R3HDM2: variants seen among roughly 807,000 people sequenced by gnomAD.
R3HDM2 encodes the protein R3H domain containing 2.
Under a neutral mutation model 124.5 loss-of-function variants are expected in R3HDM2, and 38 were observed. That is an observed-to-expected ratio of 0.31 (90% CI 0.24 to 0.40). The LOEUF is 0.40. Among genes scored for constraint, R3HDM2 ranks in the 10% least tolerant of loss-of-function variants. The pLI, the probability that R3HDM2 is intolerant of heterozygous loss-of-function variation, is 1.00. For synonymous variants in R3HDM2, 391 were observed against 448.0 expected (o/e 0.87, Z 1.61); for missense variants, 869 against 1,236.9 (o/e 0.70, Z 4.46).
chr12:57,428,139 A>ATT (rs1429528512), intron 1 of R3HDM2, among the ~76,000 whole-genome samples: 1 of 151,338 alleles, frequency 6.6e-6, no homozygotes, highest in Non-Finnish European at 1.5e-5. Context: ...AAAGAGTGAA[A>ATT]TTTGAGTAAA....
At chr12:57,288,529 T>C (rs2138243639) in intron 12 of R3HDM2, among the ~76,000 whole-genome samples, 1 of 152,278 alleles carries the variant, frequency 6.6e-6, no homozygotes, top group East Asian at 1.9e-4. Flanking sequence ...CCCATTCTTT[T>C]ACCTTATCAT....
chr12:57,429,010 G>GCATGGGATTACAAGATTACA (rs1555322479), intron 1 of R3HDM2, among the ~76,000 whole-genome samples: 23 of 152,116 alleles, frequency 1.5e-4, no homozygotes, highest in Middle Eastern at 3.2e-3. Flanking sequence ...GCCTCCCAAA[G>GCATGGGATTACAAGATTACA]TGCTGCGATT....
At chr12:57,414,732 C>A (rs1315174396) in intron 1 of R3HDM2, among the ~76,000 whole-genome samples, 1 of 151,312 alleles carries the variant, frequency 6.6e-6, no homozygotes, top group South Asian at 2.1e-4. Flanking sequence ...ACTCGGGAGT[C>A]TGAGGCAGGA....
At chr12:57,389,295 C>G (rs1264757627) in intron 2 of R3HDM2, among the ~76,000 whole-genome samples, 1 of 152,080 alleles carries the variant, frequency 6.6e-6, no homozygotes, top group East Asian at 1.9e-4. Context: ...AAAGCTATAC[C>G]CAGGTTCATC....
At chr12:57,396,852 G>C (rs1038631858) in intron 1 of R3HDM2, among the ~76,000 whole-genome samples, 2 of 152,004 alleles carry the variant, frequency 1.3e-5, no homozygotes, top group African/African-American at 4.8e-5. Flanking sequence ...TTTACTTTGG[G>C]AGGCCAAAGC....
rs55903347 is a variant in R3HDM2, at chr12:57,345,500, T to TACAC, written c.-35-35041_-35-35038dup. ...TTCAAATGGCTTCATATTTCTTTTATACACACACACACACACACACACACA... is the reference window on the plus strand; with the variant it reads ...TTCAAATGGCTTCATATTTCTTTTATACACACACACACACACACACACACACACA... On this transcript the variant is annotated intron_variant, in intron 2 of 23. Transcript: ENST00000402412. Among the ~76,000 whole-genome samples the TACAC allele has an allele frequency of 1.7e-3, 248 of 147,632 alleles. 2 individuals carry two copies. Among genetic ancestry groups the TACAC allele is most frequent in the African/African-American group, 5.7e-3 (226 of 39,848 alleles).
intron 3 of R3HDM2, among the ~76,000 whole-genome samples, chr12:57,309,155 T>A (rs983676126): frequency 6.6e-6 from 1 of 152,234 alleles, no homozygotes; most frequent in Non-Finnish European, 1.5e-5. Flanking sequence ...ACAAACCTTA[T>A]GTGAATTGAA....
At chr12:57,382,166 G>A (rs2064986281) in intron 2 of R3HDM2, among the ~76,000 whole-genome samples, 1 of 151,836 alleles carries the variant, frequency 6.6e-6, no homozygotes, top group South Asian at 2.1e-4. Context: ...TCAGGCTAGA[G>A]TGCAATGACA....
rs1243413803 is a variant in R3HDM2 at position 57,255,995 on chromosome 12, T to A, written c.2627A>T (p.Asp876Val). 6.2e-7 allele frequency: 1 copy of A among 1,612,340 alleles called. No individual in the cohort carries two copies. Among genetic ancestry groups the A allele is most frequent in the Non-Finnish European group, 8.5e-7 (1 of 1,179,180 alleles). ...KSASTDLGTA[D>V]VVLGRVLEVT... ...TTCAGCATCCCGTGACTCACCAACA[T>A]CTGCTGTCCCCAGGTCAGTGGAGGC... The change falls in exon 23 of 24, where the codon GAT becomes GTT. Residue 876 changes from aspartate (D) to valine (V), a missense_variant. This residue lies in a region of R3HDM2 where 602 missense variants were observed against 789.2 expected (regional missense o/e 0.76). Transcript: ENST00000402412.
At chr12:57,313,225 A>G (rs563260008) in intron 2 of R3HDM2, among the ~76,000 whole-genome samples, 3 of 152,262 alleles carry the variant, frequency 2.0e-5, no homozygotes, top group East Asian at 1.9e-4. Flanking sequence ...AACTCAGCAC[A>G]TGCATTCTCC....
At position 57,255,093 on chromosome 12, in the gene R3HDM2, C is replaced by T; in HGVS notation, c.2653G>A (p.Val885Met). 2 of 1,593,186 alleles carry T rather than the reference C, an allele frequency of 1.3e-6. No individual in the cohort carries two copies. Among genetic ancestry groups the T allele is most frequent in the South Asian group, 2.3e-5 (2 of 87,438 alleles). The change falls in exon 24 of 24, where the codon GTG (valine) becomes ATG (methionine). Residue 885 changes from valine (V) to methionine (M), a missense_variant. Val to Met is a conservative substitution (Grantham distance 21). Around this residue, in one of 2 missense-constraint regions of R3HDM2, gnomAD observed 602 missense variants for 789.2 expected, o/e 0.76. Coordinates refer to ENST00000402412, the MANE Select transcript of R3HDM2 (RefSeq NM_001394031.1). ...ADVVLGRVLEVTDLPEGITRT... is the reference protein window; with the variant it reads ...ADVVLGRVLEMTDLPEGITRT... ...GTGATGCCCTCAGGGAGATCTGTCA[C>T]CTCCAGCACCCGCCCCAGGACTGGA...
At chr12:57,345,811 G>A (rs968653173) in intron 2 of R3HDM2, among the ~76,000 whole-genome samples, 1 of 152,080 alleles carries the variant, frequency 6.6e-6, no homozygotes, top group African/African-American at 2.4e-5. Flanking sequence ...CCAAGTAACT[G>A]AGATTACAGG....
intron 2 of R3HDM2, among the ~76,000 whole-genome samples, chr12:57,386,316 A>C (rs1038651918): frequency 6.6e-6 from 1 of 152,084 alleles, no homozygotes; most frequent in Non-Finnish European, 1.5e-5. Flanking sequence ...GTGGACGGAG[A>C]GGCACGGGCG....
chr12:57,364,952 C>CAAA (rs1214204891), intron 2 of R3HDM2, among the ~76,000 whole-genome samples: 2 of 46,470 alleles, frequency 4.3e-5, no homozygotes, highest in Admixed American at 2.5e-4. Flanking sequence ...GACTCCATCT[C>CAAA]AAAAAAAAAA....
intron 2 of R3HDM2, among the ~76,000 whole-genome samples, chr12:57,370,810 A>C (rs2063264014): frequency 6.6e-6 from 1 of 152,174 alleles, no homozygotes; most frequent in Admixed American, 6.6e-5. Context: ...CTTAGTTGAC[A>C]CAGTCCAAAG....
At chr12:57,313,514 T>C (rs995919825) in intron 2 of R3HDM2, among the ~76,000 whole-genome samples, 2 of 148,542 alleles carry the variant, frequency 1.3e-5, no homozygotes, top group African/African-American at 5.0e-5. Context: ...CATTGAGCCA[T>C]GACTCTGCCA....
intron 1 of R3HDM2, among the ~76,000 whole-genome samples, chr12:57,410,563 T>C (rs1454984278): frequency 2.0e-5 from 3 of 152,136 alleles, no homozygotes; most frequent in Non-Finnish European, 4.4e-5. Context: ...TTAAGAAGTA[T>C]GTTTAGTGGC....
chr12:57,306,567 C>A (rs575768082), intron 3 of R3HDM2, among the ~76,000 whole-genome samples: 1 of 152,164 alleles, frequency 6.6e-6, no homozygotes, highest in East Asian at 1.9e-4. Context: ...CGTCACCACA[C>A]CCAGCTAATT....
intron 19 of R3HDM2, 106 bp from the exon 20 acceptor site, chr12:57,259,165 G>A (rs974724040): frequency 4.1e-6 from 5 of 1,208,122 alleles, no homozygotes; most frequent in Non-Finnish European, 5.8e-6. Flanking sequence ...ATTGCCTCAG[G>A]GTCACTCAAG....
Sources: allele counts gnomAD v4.1 joint callset (sites outside exome capture counted in the v4.1 genomes callset), GRCh38; gene constraint gnomAD v4.1.1; regional missense constraint gnomAD v4.1.1; transcripts MANE v1.5; gene names NCBI Gene and HGNC (gene_info 2026-07-23, HGNC 2026-07-21).